Variants in NCOR2 observed in about 807,000 individuals in gnomAD.
NCOR2 encodes nuclear receptor corepressor 2, also known as CTG repeat protein 26.
A neutral mutation model predicts 262.9 loss-of-function variants in NCOR2; 81 were observed. The ratio of observed to expected loss-of-function variants is 0.31; its 90% CI spans 0.26 to 0.37. The LOEUF (loss-of-function observed/expected upper bound fraction) is 0.37, where lower values mean the gene tolerates loss of function less well. Ranked by LOEUF, NCOR2 falls within the 10% of genes least tolerant of loss-of-function variation. The probability of loss-of-function intolerance (pLI) is 1.00; values close to 1 mark genes in which losing one functional copy is unlikely to be tolerated. For synonymous variants in NCOR2, 1,659 were observed against 1,559.3 expected (o/e 1.06, Z -1.51); for missense variants, 3,385 against 3,621.4 (o/e 0.93, Z 1.68).
chr12:124,437,829 C>T (rs1486399920), intron 8 of NCOR2, 101 bp downstream of exon 10: 1 of 1,149,282 alleles, frequency 8.7e-7, no homozygotes, highest in Admixed American at 2.2e-5. Context: ...AGGGAGGACA[C>T]AGCTGCGGAA....
intron 7 of NCOR2, among the ~76,000 whole-genome samples, chr12:124,438,839 C>A (rs1166063712): frequency 4.6e-5 from 6 of 131,256 alleles, no homozygotes; most frequent in Admixed American, 7.7e-5. Context: ...AGACAGAGAC[C>A]CAGAGACAGA....
At chr12:124,424,743 G>A (rs1194798197) in intron 11 of NCOR2, among the ~76,000 whole-genome samples, 1 of 152,178 alleles carries the variant, frequency 6.6e-6, no homozygotes, top group East Asian at 1.9e-4. Flanking sequence ...AGGGCACTGG[G>A]GAAGGAGTGT....
chr12:124,388,564 A>C, intron 16 of NCOR2: 1 of 1,055,688 alleles, frequency 9.5e-7, no homozygotes, highest in Non-Finnish European at 1.3e-6. Context: ...ACCCCCATCC[A>C]CTCCAGGGGC....
intron 16 of NCOR2, chr12:124,388,537 G>A: frequency 3.8e-6 from 3 of 799,634 alleles, no homozygotes; most frequent in Non-Finnish European, 5.3e-6. Flanking sequence ...AGGGCATGGG[G>A]GAAAGGATGG....
intron 3 of NCOR2, among the ~76,000 whole-genome samples, chr12:124,479,377 A>G (rs2047290934): frequency 6.8e-6 from 1 of 147,028 alleles, no homozygotes; most frequent in African/African-American, 2.7e-5. Context: ...ACTCACGCAC[A>G]CACACAAACA....
At chr12:124,382,862 C>G (rs527294102) in intron 17 of NCOR2, among the ~76,000 whole-genome samples, 11 of 152,358 alleles carry the variant, frequency 7.2e-5, no homozygotes, top group Admixed American at 5.9e-4. Flanking sequence ...CTTCAACAGC[C>G]CTACGACTGG....
intron 6 of NCOR2, among the ~76,000 whole-genome samples, chr12:124,450,198 C>A (rs1030411773): frequency 3.3e-5 from 5 of 152,264 alleles, no homozygotes; most frequent in Non-Finnish European, 5.9e-5. Context: ...CAGAGATTGG[C>A]CCTGGCCACC....
chr12:124,327,577 G>A, exon 45 of NCOR2: 1 of 1,613,568 alleles, frequency 6.2e-7, no homozygotes, highest in Non-Finnish European at 8.5e-7. Flanking sequence ...ATGGCCTCCA[G>A]CCCCATGTTG....
At chr12:124,371,170 C>A (rs1394937565) in intron 20 of NCOR2, among the ~76,000 whole-genome samples, 1 of 152,008 alleles carries the variant, frequency 6.6e-6, no homozygotes, top group Non-Finnish European at 1.5e-5. Flanking sequence ...GCAGCCCCCA[C>A]CTGCCAGGGC....
intron 22 of NCOR2, among the ~76,000 whole-genome samples, chr12:124,357,283 G>A (rs1322305335): frequency 6.6e-6 from 1 of 152,016 alleles, no homozygotes; most frequent in East Asian, 1.9e-4. Flanking sequence ...AAGTAGCTGG[G>A]AATACAGGCG....
At chr12:124,500,109 G>A (rs1217036514), upstream of NCOR2, among the ~76,000 whole-genome samples, 1 of 152,142 alleles carries the variant, frequency 6.6e-6, no homozygotes, top group Non-Finnish European at 1.5e-5. Context: ...GGCCTCCGAG[G>A]AGAACAAGAC....
chr12:124,427,240 G>T (rs765522526), intron 10 of NCOR2, among the ~76,000 whole-genome samples: 1 of 152,182 alleles, frequency 6.6e-6, no homozygotes, highest in Non-Finnish European at 1.5e-5. Context: ...CAGCCCAGGG[G>T]CGCAGAGAGG....
At chr12:124,552,437 T>C (rs920027851) in intron 1 of NCOR2, among the ~76,000 whole-genome samples, 3 of 152,226 alleles carry the variant, frequency 2.0e-5, no homozygotes, top group Non-Finnish European at 4.4e-5. Flanking sequence ...GTTTGCAGGT[T>C]TCTCTCTTCA....
chr12:124,468,266 C>T (rs1466132783), intron 4 of NCOR2, among the ~76,000 whole-genome samples: 1 of 85,620 alleles, frequency 1.2e-5, no homozygotes, highest in Non-Finnish European at 2.4e-5. Flanking sequence ...TCATCACCCC[C>T]ATCATCCTCA....
At chr12:124,488,797 CG>C (rs1473993314) in intron 1 of NCOR2, among the ~76,000 whole-genome samples, 5 of 152,214 alleles carry the variant, frequency 3.3e-5, no homozygotes, top group Admixed American at 6.5e-5. Context: ...AGAAGCAGGG[CG>C]GACGGTCCAG....
At chr12:124,355,642 C>A in intron 23 of NCOR2, 71 bp from the exon 26 acceptor site, 1 of 1,471,314 alleles carries the variant, frequency 6.8e-7, no homozygotes. Flanking sequence ...ACACTCCAGG[C>A]TGCACTCCAC....
At chr12:124,358,558 T>C (rs4765145) in intron 22 of NCOR2, among the ~76,000 whole-genome samples, 46,337 of 152,054 alleles carry the variant, frequency 0.3, 7,535 homozygotes, top group Admixed American at 0.4. Context: ...ACGGCCTCCA[T>C]GAGCCTCCGG....
upstream of NCOR2, among the ~76,000 whole-genome samples, chr12:124,498,008 T>A (rs61301158): frequency 5.1e-3 from 776 of 152,242 alleles, 19 homozygotes; most frequent in East Asian, 0.052. Context: ...ACCCTGGTCA[T>A]CTCATGCAGC....
At chr12:124,332,488 A>G in intron 42 of NCOR2, 21 bp from the exon 45 acceptor site, 1 of 1,613,918 alleles carries the variant, frequency 6.2e-7, no homozygotes. Context: ...CAAACACCTC[A>G]CATCAGCTCA....
Sources: gnomAD v4.1 joint callset for allele counts (sites outside exome capture counted in the v4.1 genomes callset) on GRCh38, gnomAD v4.1.1 for gene constraint, MANE v1.5 for transcripts, NCBI Gene and HGNC (gene_info 2026-07-23, HGNC 2026-07-21) for gene names.